Variants in PREX2 observed in about 807,000 individuals in gnomAD.
PREX2 encodes the protein phosphatidylinositol-3,4,5-trisphosphate dependent Rac exchange factor 2, also known as phosphatidylinositol 3,4,5-trisphosphate-dependent Rac exchanger 2 protein.
PREX2 carries 107 observed loss-of-function variants against 203.2 expected under a neutral mutation model. The ratio of observed to expected loss-of-function variants is 0.53; its 90% CI spans 0.45 to 0.62. PREX2 has a LOEUF of 0.62. Among genes scored for constraint, PREX2 ranks in the 20% least tolerant of loss-of-function variants. PREX2 has a pLI of 0.00. For synonymous variants in PREX2, 672 were observed against 663.6 expected, an observed-to-expected ratio of 1.01 and a Z score of -0.19; for missense variants, 1,777 against 1,955.9, an observed-to-expected ratio of 0.91 and a Z score of 1.72.
At chr8:68,050,968 T>C (rs1418231218) in intron 8 of PREX2, among the ~76,000 whole-genome samples, 1 of 152,074 alleles carries the variant, frequency 6.6e-6, no homozygotes, top group Non-Finnish European at 1.5e-5. Flanking sequence ...GTTGAGTTAT[T>C]TTGGGAAGAA....
At chr8:68,077,265 G>A (rs1809378575) in intron 14 of PREX2, 132 bp from the exon 15 acceptor site, 1 of 693,894 alleles carries the variant, frequency 1.4e-6, no homozygotes, top group South Asian at 1.6e-5. Context: ...GATGCATTCT[G>A]TCTTATAAAG....
At chr8:68,157,775 TA>T (rs1465603363) in intron 35 of PREX2, among the ~76,000 whole-genome samples, 2 of 151,918 alleles carry the variant, frequency 1.3e-5, no homozygotes, top group Non-Finnish European at 2.9e-5. Flanking sequence ...GGATTAAGGG[TA>T]AAACAGGTTT....
chr8:68,108,755 T>A (rs1810471754), intron 24 of PREX2, among the ~76,000 whole-genome samples: 1 of 152,164 alleles, frequency 6.6e-6, no homozygotes, highest in Admixed American at 6.5e-5. Context: ...GGGCTCTAAT[T>A]TCTGAACTAA....
chr8:68,206,131 T>C (rs779949766), intron 37 of PREX2, among the ~76,000 whole-genome samples: 76 of 152,236 alleles, frequency 5.0e-4, no homozygotes, highest in Non-Finnish European at 9.4e-4. Flanking sequence ...AGATTTTGAG[T>C]CCAAAAATGG....
rs143152548 is a variant in PREX2, at chr8:68,146,289, C to G, written c.4168C>G (p.Gln1390Glu). The stretch of plus-strand genomic sequence containing the variant: ...CTACATTGATAGTTATCATTTTGAA[C>G]AACTTCCTCAACGGCTGAAAAATGG... ...YFYIDSYHFE[Q>E]LPQRLKNGGG... Residue 1390 changes from glutamine (Q) to glutamate (E), a missense_variant, in exon 34 of 40, where the codon CAA becomes GAA. Transcript: ENST00000288368. The G allele has an allele frequency of 4.8e-4, 767 of 1,612,634 alleles. 1 individual carries two copies. The highest frequency in any genetic ancestry group is 6.0e-4 in the Non-Finnish European group (707 of 1,179,302).
intron 37 of PREX2, among the ~76,000 whole-genome samples, chr8:68,204,902 C>T (rs1316324160): frequency 1.3e-5 from 2 of 151,620 alleles, no homozygotes; most frequent in African/African-American, 2.4e-5. Context: ...AGGATGGTCT[C>T]GATCTCCTGA....
At chr8:68,045,886 T>A (rs1376013115) in intron 8 of PREX2, among the ~76,000 whole-genome samples, 2 of 152,130 alleles carry the variant, frequency 1.3e-5, no homozygotes, top group East Asian at 3.9e-4. Context: ...TAATTTATTC[T>A]GTGCTTTCTA....
At chr8:68,063,066 A>G (rs189308167) in intron 11 of PREX2, among the ~76,000 whole-genome samples, 2 of 152,306 alleles carry the variant, frequency 1.3e-5, no homozygotes, top group Admixed American at 1.3e-4. Context: ...AAAGCATTAT[A>G]CGGCTGCTTT....
At chr8:67,953,611 T>C (rs971306065) in intron 1 of PREX2, among the ~76,000 whole-genome samples, 1 of 152,074 alleles carries the variant, frequency 6.6e-6, no homozygotes, top group Non-Finnish European at 1.5e-5. Context: ...CTGCTTAGTG[T>C]TCTGAAATCT....
intron 23 of PREX2, among the ~76,000 whole-genome samples, chr8:68,102,142 A>G (rs1203251486): frequency 1.3e-5 from 2 of 152,178 alleles, no homozygotes; most frequent in Admixed American, 1.3e-4. Context: ...TCTTTTATGT[A>G]CATTATTGTT....
intron 1 of PREX2, among the ~76,000 whole-genome samples, chr8:67,993,882 A>G (rs186533071): frequency 1.3e-5 from 2 of 152,196 alleles, no homozygotes; most frequent in Non-Finnish European, 2.9e-5. Flanking sequence ...AGAAATCTTC[A>G]TAGAGAAAGT....
At chr8:68,016,968 G>A (rs1464740274) in intron 1 of PREX2, among the ~76,000 whole-genome samples, 2 of 152,066 alleles carry the variant, frequency 1.3e-5, no homozygotes, top group African/African-American at 4.8e-5. Context: ...CTGAAATGTT[G>A]TACCATTTTA....
intron 8 of PREX2, among the ~76,000 whole-genome samples, chr8:68,046,923 A>T (rs2053140): frequency 0.59 from 89,239 of 151,780 alleles, 28,188 homozygotes; most frequent in African/African-American, 0.83. Context: ...ATTTTGAAGA[A>T]GGATAGGATC....
intron 35 of PREX2, among the ~76,000 whole-genome samples, chr8:68,161,875 A>C (rs1386120428): frequency 6.6e-6 from 1 of 152,192 alleles, no homozygotes; most frequent in Admixed American, 6.5e-5. Context: ...GGGTAATTAT[A>C]AAGGAATGAG....
intron 32 of PREX2, among the ~76,000 whole-genome samples, chr8:68,135,201 G>T (rs1050563850): frequency 2.6e-5 from 4 of 151,956 alleles, no homozygotes; most frequent in African/African-American, 9.7e-5. Context: ...GTGTAAATGA[G>T]TAAGGCTTTA....
intron 1 of PREX2, among the ~76,000 whole-genome samples, chr8:67,965,702 A>G (rs1318658013): frequency 1.3e-5 from 2 of 152,138 alleles, no homozygotes; most frequent in Non-Finnish European, 2.9e-5. Flanking sequence ...TGCCAGACCT[A>G]CTTTGTTTGA....
chr8:68,080,471 A>G lies in PREX2; in HGVS notation c.1671A>G (p.Glu557=), dbSNP rs1809482308. 1 of 1,612,774 alleles carries G rather than the reference A, an allele frequency of 6.2e-7. No homozygotes were observed. The highest frequency in any genetic ancestry group is 8.5e-7 in the Non-Finnish European group (1 of 1,179,674). The change falls in exon 16 of 40, where the codon GAA becomes GAG. Residue 557 remains glutamate (E), a synonymous_variant. Coordinates refer to ENST00000288368, the MANE Select transcript of PREX2 (RefSeq NM_024870.4). ...HVLEKSEFKD[E]PLLFRFFSDE... is the part of the protein sequence containing the mutation. ...TTGAAAAAAGCGAATTCAAAGATGA[A>G]CCCCTACTTTTCCGTTTTTTTTCGG...
chr8:68,135,293 A>G (rs2129613428), intron 32 of PREX2, among the ~76,000 whole-genome samples: 1 of 152,300 alleles, frequency 6.6e-6, no homozygotes, highest in South Asian at 2.1e-4. Context: ...ATTTTATTGG[A>G]AATCTCAAAG....
chr8:68,010,648 T>C (rs1807232012), intron 1 of PREX2, among the ~76,000 whole-genome samples: 1 of 152,230 alleles, frequency 6.6e-6, no homozygotes, highest in African/African-American at 2.4e-5. Flanking sequence ...CCTGATTTAA[T>C]GGGTGAGGAA....
Sources: gnomAD v4.1 joint callset for allele counts (sites outside exome capture counted in the v4.1 genomes callset) on GRCh38, gnomAD v4.1.1 for gene constraint, MANE v1.5 for transcripts, NCBI Gene and HGNC (gene_info 2026-07-23, HGNC 2026-07-21) for gene names.